PDGFB: variants seen among roughly 807,000 people sequenced by gnomAD.
The protein encoded by PDGFB is platelet-derived growth factor subunit B.
PDGFB carries 6 observed loss-of-function variants against 29.0 expected under a neutral mutation model. The ratio of observed to expected loss-of-function variants is 0.21; its 90% CI spans 0.11 to 0.41. The LOEUF (loss-of-function observed/expected upper bound fraction) is 0.41, where lower values mean the gene tolerates loss of function less well. PDGFB is among the 10% of genes least tolerant of loss of function. The probability of loss-of-function intolerance (pLI) is 1.00; values close to 1 mark genes in which losing one functional copy is unlikely to be tolerated. For synonymous variants in PDGFB, 144 were observed against 140.8 expected (o/e 1.02, Z -0.16); for missense variants, 299 against 341.8 (o/e 0.87, Z 0.99).
rs1173574890 is a variant in PDGFB at position 39,230,238 on chromosome 22, A to G, written c.457-10T>C. 1.9e-6 allele frequency: 3 copies of G among 1,613,334 alleles called. No homozygotes were observed. In the East Asian group the frequency reaches 6.7e-5, roughly 36 times the overall value. On this transcript the variant is annotated splice_polypyrimidine_tract_variant and intron_variant, in intron 4 of 6. Coordinates refer to ENST00000331163, the MANE Select transcript of PDGFB (RefSeq NM_002608.4). The stretch of plus-strand genomic sequence containing the variant: ...TCTCGATCTTTCTCACCTGGAGGAC[A>G]GAGCCACAAAATGCCTCTGTAGAGA...
At chr22:39,239,468 C>T (rs967264103) in intron 1 of PDGFB, among the ~76,000 whole-genome samples, 15 of 152,120 alleles carry the variant, frequency 9.9e-5, no homozygotes, top group Non-Finnish European at 2.2e-4. Flanking sequence ...CTGGGGATGA[C>T]GAGCATGAGC....
Position 39,233,476 on chromosome 22 carries a change from C to G in PDGFB, c.209G>C (p.Gly70Ala), listed in dbSNP as rs1267130671. 3.8e-6 allele frequency: 6 copies of G among 1,594,660 alleles called. No homozygotes were observed. Among genetic ancestry groups the G allele is most frequent in the Non-Finnish European group, 5.1e-6 (6 of 1,171,472 alleles). Residue 70 changes from glycine to alanine, a missense_variant, in exon 3 of 7, where the codon GGA (glycine) becomes GCA (alanine). Physicochemically the swap from Gly to Ala is moderately conservative, Grantham distance 60. Coordinates refer to ENST00000331163, the MANE Select transcript of PDGFB (RefSeq NM_002608.4). ...LDLNMTRSHS[G>A]GELESLARGR... ...ACGAGCCAAGCTCTCCAGCTCGCCT[C>G]CAGAGTGGGAGCGGGTCATGTTCAG...
chr22:39,228,893 A>AAAAAAAAAATATATATATATATATAT (rs1184799325), intron 5 of PDGFB, among the ~76,000 whole-genome samples: 1 of 132,518 alleles, frequency 7.5e-6, no homozygotes, highest in Non-Finnish European at 1.7e-5. Context: ...CCTCAAAAAA[A>AAAAAAAAAATATATATATATATATAT]ATATATATAT....
In PDGFB at chr22:39,242,967, C is replaced by G. The variant is rs1379836903; in HGVS notation, c.63+934G>C. 1 of 233,022 alleles carries G rather than the reference C, an allele frequency of 4.3e-6. No individual in the cohort carries two copies. Among genetic ancestry groups the G allele is most frequent in the Non-Finnish European group, 8.5e-6 (1 of 117,958 alleles). The allele number at this position is 233,022 out of a possible 1,614,324, so 14.4% of individuals were successfully genotyped here. The stretch of plus-strand genomic sequence containing the variant: ...CTTGCCAACTCACGGCTACGTGAGG[C>G]TGGGAGGGGTGGGGACGGCTCCGAC... On this transcript the variant is annotated intron_variant, in intron 1 of 6. Coordinates refer to ENST00000331163, the MANE Select transcript of PDGFB (RefSeq NM_002608.4). This position sits in a 1 kb window ranked among gnomAD's most constrained non-coding sequence, Gnocchi z 5.7.
At chr22:39,232,767 C>T (rs890215924) in intron 3 of PDGFB, among the ~76,000 whole-genome samples, 4 of 152,020 alleles carry the variant, frequency 2.6e-5, no homozygotes, top group East Asian at 1.9e-4. Flanking sequence ...GGATTACAGG[C>T]GTGAGCCACC....
intron 5 of PDGFB, 33 bp downstream of exon 5, chr22:39,230,051 G>A: frequency 6.2e-7 from 1 of 1,606,512 alleles, no homozygotes; most frequent in African/African-American, 1.3e-5. Flanking sequence ...GCAGGGGAAG[G>A]GGGCTGAGGG....
chr22:39,244,042 G>A lies in PDGFB; in HGVS notation c.-79C>T. 1 of 768,240 alleles carries A rather than the reference G, an allele frequency of 1.3e-6. No individual in the cohort carries two copies. The highest frequency in any genetic ancestry group is 2.0e-6 in the Non-Finnish European group (1 of 499,792). 47.6% of individuals were successfully genotyped at this position (768,240 alleles called of 1,614,324 possible). A position where few individuals can be genotyped will look rare whatever the true frequency, so the allele number is the denominator to read the frequency against. On this transcript the variant is annotated 5_prime_UTR_variant, in exon 1 of 7. Transcript: ENST00000331163. This position sits in a 1 kb window ranked among gnomAD's most constrained non-coding sequence, Gnocchi z 4.5. ...GCCCCCGCGGCCAGGGTGGGGGGCT[G>A]GGGAGGGGGGTGGGCTCGGCTCGGG...
chr22:39,233,328 A>T (rs1402245644), intron 3 of PDGFB, 107 bp downstream of exon 3: 1 of 713,966 alleles, frequency 1.4e-6, no homozygotes, highest in Non-Finnish European at 2.4e-6. Flanking sequence ...GGGGAACGGG[A>T]GTTGTAAGAG....
chr22:39,240,935 ACACACACTCT>A, intron 1 of PDGFB: 2 of 1,389,186 alleles, frequency 1.4e-6, no homozygotes, highest in Non-Finnish European at 2.0e-6. Flanking sequence ...ACACACACAC[ACACACACTCT>A]CTCTCTCTCT....
intron 3 of PDGFB, among the ~76,000 whole-genome samples, chr22:39,232,523 C>T (rs941665834): frequency 6.6e-6 from 1 of 151,862 alleles, no homozygotes; most frequent in Non-Finnish European, 1.5e-5. Flanking sequence ...CGGAGTCTTG[C>T]TCTGTCGCCA....
chr22:39,225,767 G>C lies in PDGFB; in HGVS notation c.682C>G (p.His228Asp). The change falls in exon 6 of 7, where the codon CAC becomes GAC. Residue 228 changes from histidine (H) to aspartate (D), a missense_variant. Transcript: ENST00000331163. Reference protein sequence around the residue: ...PPKGKHRKFKHTHDKTALKET... With the variant: ...PPKGKHRKFKDTHDKTALKET... ...TTCAGTGCCGTCTTGTCATGCGTGTGCTTGAATTTCCGGTGCTTGCCCTTG... is the reference window on the plus strand; with the variant it reads ...TTCAGTGCCGTCTTGTCATGCGTGTCCTTGAATTTCCGGTGCTTGCCCTTG... The C allele has an allele frequency of 6.2e-7, 1 of 1,614,174 alleles. No homozygotes were observed. The highest frequency in any genetic ancestry group is 8.5e-7 in the Non-Finnish European group (1 of 1,180,014).
Position 39,243,980 on chromosome 22 carries a change from GC to G in PDGFB, c.-18del. On this transcript the variant is annotated 5_prime_UTR_variant, in exon 1 of 7. Transcript: ENST00000331163. The surrounding 1 kb of genome is among the most constrained non-coding windows in gnomAD (Gnocchi z 6.4). ...GCGATTCATGCCGACTCCGGGCCCG[GC>G]CCCGCGGGGCCCCGGACGCGTAGAT... The G allele has an allele frequency of 7.5e-7, 1 of 1,338,856 alleles. No homozygotes were observed. 82.9% of individuals were successfully genotyped at this position (1,338,856 alleles called of 1,614,324 possible). A position where few individuals can be genotyped will look rare whatever the true frequency, so the allele number is the denominator to read the frequency against.
chr22:39,226,088 C>A (rs922717793), intron 5 of PDGFB, among the ~76,000 whole-genome samples: 5 of 152,160 alleles, frequency 3.3e-5, no homozygotes, highest in Non-Finnish European at 7.4e-5. Flanking sequence ...ATAAGACTGC[C>A]CACCTCATAG....
intron 1 of PDGFB, among the ~76,000 whole-genome samples, chr22:39,236,515 C>G (rs533686661): frequency 6.6e-6 from 1 of 152,234 alleles, no homozygotes; most frequent in Admixed American, 6.5e-5. Context: ...TGAAAGCTTA[C>G]CCGTGCCCTG....
chr22:39,225,752 T>C lies in PDGFB; in HGVS notation c.697A>G (p.Thr233Ala). 3.1e-6 allele frequency: 5 copies of C among 1,614,116 alleles called. No individual in the cohort carries two copies. Among genetic ancestry groups the C allele is most frequent in the Non-Finnish European group, 3.4e-6 (4 of 1,179,990 alleles). Reference sequence around the variant, plus strand: ...GCTCCAAGGGTCTCCTTCAGTGCCGTCTTGTCATGCGTGTGCTTGAATTTC... The same window carrying C: ...GCTCCAAGGGTCTCCTTCAGTGCCGCCTTGTCATGCGTGTGCTTGAATTTC... ...HRKFKHTHDKTALKETLGA is the reference protein window; with the variant it reads ...HRKFKHTHDKAALKETLGA Residue 233 changes from threonine to alanine, a missense_variant, in exon 6 of 7, where the codon ACG becomes GCG. By Grantham distance (58) the Thr-to-Ala change is moderately conservative. Transcript: ENST00000331163.
At chr22:39,233,603 C>T (rs1018837647) in intron 2 of PDGFB, 79 bp from the exon 3 acceptor site, 20 of 1,007,686 alleles carry the variant, frequency 2.0e-5, no homozygotes, top group Non-Finnish European at 2.9e-5. Flanking sequence ...TCTGGGCAGG[C>T]GGGAGGTTTG....
chr22:39,241,170 T>G, intron 1 of PDGFB: 1 of 512,680 alleles, frequency 2.0e-6, no homozygotes, highest in African/African-American at 1.9e-5. Context: ...GGACTCGCCC[T>G]CCTGGAAGCC....
At chr22:39,239,405 TG>T in intron 1 of PDGFB, among the ~76,000 whole-genome samples, 1 of 136,876 alleles carries the variant, frequency 7.3e-6, no homozygotes, top group East Asian at 2.6e-4. Flanking sequence ...GGGCTGGGGG[TG>T]GGTGAGGGTG....
At chr22:39,238,967 C>A (rs563098183) in intron 1 of PDGFB, among the ~76,000 whole-genome samples, 7 of 152,254 alleles carry the variant, frequency 4.6e-5, no homozygotes, top group Non-Finnish European at 1.0e-4. Flanking sequence ...GGCTGAGAAA[C>A]CCTGTAGCGG....
Sources: gnomAD v4.1 joint callset for allele counts (sites outside exome capture counted in the v4.1 genomes callset) on GRCh38, gnomAD v4.1.1 for gene constraint, Gnocchi (gnomAD v3.1) non-coding constraint, MANE v1.5 for transcripts, NCBI Gene and HGNC (gene_info 2026-07-23, HGNC 2026-07-21) for gene names.